The following FER variants were observed in gnomAD, a reference collection of about 807,000 sequenced individuals.
FER encodes the protein tyrosine-protein kinase Fer.
In FER, 63 loss-of-function variants were observed where a neutral mutation model predicts 111.0. The ratio of observed to expected loss-of-function variants is 0.57; its 90% confidence interval spans 0.46 to 0.70. The LOEUF is 0.70. Ranked by LOEUF, FER falls within the 30% of genes least tolerant of loss-of-function variation. FER has a pLI of 0.00. For synonymous variants in FER, 327 were observed against 313.9 expected (o/e 1.04, Z -0.44); for missense variants, 914 against 954.0 (o/e 0.96, Z 0.55).
At chr5:109,144,541 A>T (rs1753866035) in intron 17 of FER, among the ~76,000 whole-genome samples, 1 of 152,158 alleles carries the variant, frequency 6.6e-6, no homozygotes, top group Non-Finnish European at 1.5e-5. Flanking sequence ...ACATACACCT[A>T]TATCTGATTC....
chr5:109,081,871 C>T (rs527648861), intron 16 of FER, among the ~76,000 whole-genome samples: 5 of 152,052 alleles, frequency 3.3e-5, no homozygotes, highest in African/African-American at 1.2e-4. Context: ...TCCTAAAGTA[C>T]TTTAAAGGTA....
intron 5 of FER, among the ~76,000 whole-genome samples, chr5:108,845,018 A>G (rs1298056289): frequency 3.0e-4 from 16 of 53,336 alleles, no homozygotes; most frequent in East Asian, 1.5e-3. Context: ...ATATATATAT[A>G]TATATATATA....
chr5:109,095,091 A>G (rs1237925470), intron 16 of FER, among the ~76,000 whole-genome samples: 1 of 152,174 alleles, frequency 6.6e-6, no homozygotes, highest in Non-Finnish European at 1.5e-5. Flanking sequence ...GAAAAATGCA[A>G]AAGGTTCGTG....
chr5:108,911,863 A>G (rs1037108794), intron 10 of FER, among the ~76,000 whole-genome samples: 3 of 152,130 alleles, frequency 2.0e-5, no homozygotes, highest in African/African-American at 7.2e-5. Flanking sequence ...TAGTTATGAT[A>G]TGGTTTGGCT....
intron 16 of FER, among the ~76,000 whole-genome samples, chr5:109,090,335 T>G (rs1047367565): frequency 6.6e-6 from 1 of 152,184 alleles, no homozygotes; most frequent in Non-Finnish European, 1.5e-5. Context: ...AATATCTAGC[T>G]GGACTAAATG....
chr5:109,053,141 C>G (rs1183219318), intron 16 of FER, among the ~76,000 whole-genome samples: 1 of 152,000 alleles, frequency 6.6e-6, no homozygotes, highest in Non-Finnish European at 1.5e-5. Context: ...AATCCTATCA[C>G]TTTGGAGGCC....
chr5:108,878,762 A>G (rs1400132105), intron 8 of FER, among the ~76,000 whole-genome samples: 1 of 152,214 alleles, frequency 6.6e-6, no homozygotes, highest in Admixed American at 6.5e-5. Context: ...ACTAAGCATC[A>G]TTAGCATCAT....
At chr5:108,842,328 A>G (rs1229175251) in intron 5 of FER, 1 of 152,178 alleles carries the variant, frequency 6.6e-6, no homozygotes, top group Non-Finnish European at 1.5e-5. Context: ...AAAGAAAACT[A>G]GACATTGGCA....
At position 108,798,254 on chromosome 5, in the gene FER, A is replaced by C; in HGVS notation, c.72A>C (p.Leu24Phe). 6.2e-7 allele frequency: 1 copy of C among 1,614,124 alleles called. No homozygotes were observed. The highest frequency in any genetic ancestry group is 8.5e-7 in the Non-Finnish European group (1 of 1,179,978). The change falls in exon 3 of 20, where the codon TTA becomes TTC. Residue 24 changes from leucine to phenylalanine, a missense_variant. By Grantham distance (22) the Leu-to-Phe change is conservative. This residue lies in a region of FER where 774 missense variants were observed against 782.6 expected (regional missense o/e 0.99). Coordinates refer to ENST00000281092, the MANE Select transcript of FER (RefSeq NM_005246.4). ...VLKLQDWELRLLETVKKFMAL... is the reference protein window; with the variant it reads ...VLKLQDWELRFLETVKKFMAL... ...AATTGCAAGACTGGGAATTACGGTT[A>C]CTGGAAACAGTAAAGAAATTTATGG...
At chr5:109,074,446 T>TC (rs1424514525) in intron 16 of FER, among the ~76,000 whole-genome samples, 1 of 152,192 alleles carries the variant, frequency 6.6e-6, no homozygotes, top group Non-Finnish European at 1.5e-5. Context: ...TAGAAGTAAG[T>TC]CAAAGATAGA....
At chr5:108,897,614 GTCT>G in intron 9 of FER, 42 bp from the exon 10 acceptor site, 3 of 1,372,418 alleles carry the variant, frequency 2.2e-6, no homozygotes, top group Non-Finnish European at 1.9e-6. Flanking sequence ...TTTCCTTAAT[GTCT>G]TCTTAATGAA....
chr5:109,048,408 A>G (rs1310207259), intron 16 of FER, among the ~76,000 whole-genome samples: 1 of 152,190 alleles, frequency 6.6e-6, no homozygotes, highest in East Asian at 1.9e-4. Context: ...GTACAAATGA[A>G]GCCCCTGAAT....
chr5:108,975,053 C>T (rs894498820), intron 13 of FER, among the ~76,000 whole-genome samples: 1 of 152,002 alleles, frequency 6.6e-6, no homozygotes, highest in South Asian at 2.1e-4. Flanking sequence ...ACATATATAC[C>T]ATGGAATACT....
chr5:108,871,609 CAT>C (rs1764607006), intron 7 of FER, 107 bp downstream of exon 7: 7 of 760,472 alleles, frequency 9.2e-6, no homozygotes, highest in Non-Finnish European at 1.9e-6. Context: ...CTTATTAAGA[CAT>C]AGAATATTTC....
chr5:108,963,239 A>G (rs556710440), intron 13 of FER, among the ~76,000 whole-genome samples: 2 of 152,132 alleles, frequency 1.3e-5, no homozygotes, highest in Non-Finnish European at 2.9e-5. Context: ...CGCTTTCTGA[A>G]TCGAAGGTAA....
chr5:108,852,406 G>A (rs998528268), intron 5 of FER, among the ~76,000 whole-genome samples: 2 of 152,028 alleles, frequency 1.3e-5, no homozygotes, highest in African/African-American at 2.4e-5. Flanking sequence ...AAATGGATAC[G>A]ACTTTTTAAA....
At chr5:108,840,367 G>C (rs989350325) in intron 5 of FER, among the ~76,000 whole-genome samples, 1 of 152,052 alleles carries the variant, frequency 6.6e-6, no homozygotes, top group Non-Finnish European at 1.5e-5. Flanking sequence ...AATTACTTTT[G>C]CACCAATCTA....
At chr5:108,780,106 T>G (rs1375179263) in intron 2 of FER, among the ~76,000 whole-genome samples, 1 of 152,204 alleles carries the variant, frequency 6.6e-6, no homozygotes, top group Non-Finnish European at 1.5e-5. Context: ...GCTGCTATTT[T>G]GAACAGATGC....
intron 2 of FER, among the ~76,000 whole-genome samples, chr5:108,790,179 A>G (rs1190938642): frequency 2.0e-5 from 3 of 151,626 alleles, no homozygotes; most frequent in Admixed American, 2.0e-4. Context: ...TCCAGCCTGG[A>G]CAACATAGGG....
Sources: gnomAD v4.1 joint callset for allele counts (sites outside exome capture counted in the v4.1 genomes callset) on GRCh38, gnomAD v4.1.1 for gene constraint, gnomAD v4.1.1 regional missense constraint, MANE v1.5 for transcripts, NCBI Gene and HGNC (gene_info 2026-07-23, HGNC 2026-07-21) for gene names.